KDM4C: variants seen among roughly 807,000 people sequenced by gnomAD.
KDM4C encodes the protein lysine-specific demethylase 4C.
Under a neutral mutation model 129.3 loss-of-function variants are expected in KDM4C, and 81 were observed. The ratio of observed to expected loss-of-function variants is 0.63; its 90% CI spans 0.52 to 0.75. KDM4C has a LOEUF of 0.75. Ranked by LOEUF, KDM4C falls within the 30% of genes least tolerant of loss-of-function variation. The pLI, the probability that KDM4C is intolerant of heterozygous loss-of-function variation, is 0.00. For synonymous variants in KDM4C, 573 were observed against 456.1 expected, an observed-to-expected ratio of 1.26 and a Z score of -3.26; for missense variants, 1,457 against 1,304.0, an observed-to-expected ratio of 1.12 and a Z score of -1.81.
At position 7,042,172 on chromosome 9, in the gene KDM4C, C is replaced by T. The variant is rs1326671170; in HGVS notation, c.2260-4690C>T. 2.0e-5 allele frequency among the ~76,000 whole-genome samples: 3 copies of T among 151,966 alleles called. No individual in the cohort carries two copies. In the South Asian group the frequency reaches 6.2e-4, roughly 31 times the overall value. On this transcript the variant is annotated intron_variant, in intron 15 of 21. Transcript: ENST00000381309. ...AATTTAGGGAAGTACTAATTTTTTCCTCTACAGATAAAGTATCTGAGGCAC... is the reference window on the plus strand; with the variant it reads ...AATTTAGGGAAGTACTAATTTTTTCTTCTACAGATAAAGTATCTGAGGCAC...
At chr9:6,763,600 T>C (rs533160644) in intron 1 of KDM4C, among the ~76,000 whole-genome samples, 165 of 152,334 alleles carry the variant, frequency 1.1e-3, no homozygotes, top group African/African-American at 3.7e-3. Context: ...TTTGTGTTTA[T>C]GTGCATTTTC....
intron 17 of KDM4C, among the ~76,000 whole-genome samples, chr9:7,069,456 G>A (rs771556639): frequency 6.6e-6 from 1 of 152,126 alleles, no homozygotes; most frequent in Non-Finnish European, 1.5e-5. Context: ...AGGTTACAGT[G>A]AGCCATGATT....
chr9:7,040,906 T>A (rs912683218), intron 15 of KDM4C, among the ~76,000 whole-genome samples: 1 of 151,992 alleles, frequency 6.6e-6, no homozygotes, highest in African/African-American at 2.4e-5. Context: ...AATTTTTTGA[T>A]CTGTAGGTTG....
At chr9:6,810,697 C>A (rs1301876216) in intron 3 of KDM4C, among the ~76,000 whole-genome samples, 2 of 151,910 alleles carry the variant, frequency 1.3e-5, no homozygotes, top group African/African-American at 4.8e-5. Flanking sequence ...CAAAGTGAGA[C>A]CCTGTCTCTA....
rs192451232 is a variant in KDM4C, at chr9:7,097,974, C to G, written c.2425-5711C>G. On this transcript the variant is annotated intron_variant, in intron 17 of 21. Coordinates refer to ENST00000381309, the MANE Select transcript of KDM4C (RefSeq NM_015061.6). ...GTTCAGTCAGTGTTCTGCTACTTGG[C>G]TTAAAAGGTGCTTCCGCAAGGATTC... Among the ~76,000 whole-genome samples, 226 of 152,334 alleles carry G rather than the reference C, an allele frequency of 1.5e-3. 1 individual carries two copies. The highest frequency in any genetic ancestry group is 7.1e-3 in the Admixed American group (109 of 15,304).
At chr9:7,127,951 T>A in intron 18 of KDM4C, 115 bp from the exon 19 acceptor site, 2 of 1,003,416 alleles carry the variant, frequency 2.0e-6, no homozygotes, top group Non-Finnish European at 2.7e-6. Context: ...AAAATTTTTT[T>A]TTTAAATCTT....
intron 2 of KDM4C, among the ~76,000 whole-genome samples, chr9:6,800,594 A>G (rs540220097): frequency 1.1e-3 from 172 of 150,768 alleles, no homozygotes; most frequent in African/African-American, 3.6e-3. Flanking sequence ...CTATGAATGT[A>G]TATCTATCTA....
At chr9:7,113,206 A>G (rs946063329) in intron 18 of KDM4C, among the ~76,000 whole-genome samples, 1 of 152,108 alleles carries the variant, frequency 6.6e-6, no homozygotes, top group African/African-American at 2.4e-5. Flanking sequence ...TCTAACACAC[A>G]TTTTTTAAAA....
intron 1 of KDM4C, among the ~76,000 whole-genome samples, chr9:6,778,960 G>GA (rs1823696829): frequency 6.6e-6 from 1 of 151,016 alleles, no homozygotes; most frequent in African/African-American, 2.4e-5. Context: ...GACCTCAGGT[G>GA]ATCCACCCAC....
At chr9:7,046,036 T>C (rs1049702464) in intron 15 of KDM4C, among the ~76,000 whole-genome samples, 7 of 152,054 alleles carry the variant, frequency 4.6e-5, no homozygotes, top group Non-Finnish European at 1.0e-4. Context: ...AATGTATTAA[T>C]GCAGAAAATT....
At chr9:6,855,839 G>A (rs1448448465) in intron 5 of KDM4C, among the ~76,000 whole-genome samples, 1 of 152,216 alleles carries the variant, frequency 6.6e-6, no homozygotes, top group Non-Finnish European at 1.5e-5. Context: ...CCATTAAAAT[G>A]TGAGCTCTGG....
chr9:6,976,102 G>A (rs1182274781), intron 8 of KDM4C, among the ~76,000 whole-genome samples: 1 of 152,074 alleles, frequency 6.6e-6, no homozygotes, highest in African/African-American at 2.4e-5. Context: ...TGAGACTAAC[G>A]TATCTGAACT....
At chr9:6,835,453 C>CTTGA in intron 4 of KDM4C, 2 of 1,229,148 alleles carry the variant, frequency 1.6e-6, no homozygotes, top group South Asian at 2.4e-5. Context: ...TCCTCCTGAG[C>CTTGA]TCAAGCACTC....
intron 12 of KDM4C, among the ~76,000 whole-genome samples, chr9:7,004,834 A>G (rs1338809765): frequency 2.0e-5 from 3 of 152,224 alleles, no homozygotes; most frequent in South Asian, 4.1e-4. Context: ...GTTTAAGCAT[A>G]CATTTACAGC....
At chr9:6,824,207 ATTTC>A (rs1833507631) in intron 4 of KDM4C, among the ~76,000 whole-genome samples, 1 of 152,094 alleles carries the variant, frequency 6.6e-6, no homozygotes, top group African/African-American at 2.4e-5. Flanking sequence ...TTTTTGTGGT[ATTTC>A]TTTTCGTGGC....
At chr9:7,122,547 G>A (rs1268350858) in intron 18 of KDM4C, among the ~76,000 whole-genome samples, 1 of 152,130 alleles carries the variant, frequency 6.6e-6, no homozygotes, top group Non-Finnish European at 1.5e-5. Context: ...AGTATCAGTA[G>A]ATGTTACATC....
At chr9:7,108,253 T>C (rs1020282039) in intron 18 of KDM4C, among the ~76,000 whole-genome samples, 4 of 152,150 alleles carry the variant, frequency 2.6e-5, no homozygotes, top group Non-Finnish European at 5.9e-5. Flanking sequence ...TTATTTTTTT[T>C]TGGGACAGGG....
intron 8 of KDM4C, among the ~76,000 whole-genome samples, chr9:6,945,916 T>C (rs1418412454): frequency 1.3e-5 from 2 of 152,144 alleles, no homozygotes; most frequent in Non-Finnish European, 2.9e-5. Flanking sequence ...AACTCACAGA[T>C]TTTATGATAT....
intron 8 of KDM4C, among the ~76,000 whole-genome samples, chr9:6,979,587 A>C (rs192847586): frequency 2.0e-5 from 3 of 152,208 alleles, no homozygotes; most frequent in Non-Finnish European, 2.9e-5. Context: ...TTCTAGGTCT[A>C]AGAAAAGCAG....
Sources: gnomAD v4.1 joint callset for allele counts (sites outside exome capture counted in the v4.1 genomes callset) on GRCh38, gnomAD v4.1.1 for gene constraint, MANE v1.5 for transcripts, NCBI Gene and HGNC (gene_info 2026-07-23, HGNC 2026-07-21) for gene names.